UNC13C: variants seen among roughly 807,000 people sequenced by gnomAD.
UNC13C encodes the protein protein unc-13 homolog C.
In UNC13C, 174 loss-of-function variants were observed where a neutral mutation model predicts 245.4. The ratio of observed to expected loss-of-function variants is 0.71; its 90% confidence interval spans 0.63 to 0.80. The LOEUF is 0.80. Among genes scored for constraint, UNC13C ranks in the 30% least tolerant of loss-of-function variants. UNC13C has a pLI of 0.00. For missense variants in UNC13C, 2,829 were observed against 2,602.9 expected, an observed-to-expected ratio of 1.09 and a Z score of -1.89; for synonymous variants, 992 against 895.1, an observed-to-expected ratio of 1.11 and a Z score of -1.93.
chr15:54,171,695 A>G (rs1421767938), intron 4 of UNC13C, among the ~76,000 whole-genome samples: 1 of 152,108 alleles, frequency 6.6e-6, no homozygotes, highest in Non-Finnish European at 1.5e-5. Flanking sequence ...AACAGTATGG[A>G]GGTTCCTCAA....
chr15:54,572,180 C>G (rs1897785814), intron 30 of UNC13C, among the ~76,000 whole-genome samples: 1 of 151,964 alleles, frequency 6.6e-6, no homozygotes, highest in Non-Finnish European at 1.5e-5. Flanking sequence ...ACTCTGTGCC[C>G]TGACCTCTAT....
At chr15:54,239,236 T>A (rs2035787960) in intron 7 of UNC13C, among the ~76,000 whole-genome samples, 1 of 152,220 alleles carries the variant, frequency 6.6e-6, no homozygotes, top group Non-Finnish European at 1.5e-5. Context: ...CCTTCCTTCT[T>A]CTTTCTGTCA....
At chr15:54,624,647 G>C (rs1190058288) in intron 32 of UNC13C, among the ~76,000 whole-genome samples, 1 of 152,092 alleles carries the variant, frequency 6.6e-6, no homozygotes. Context: ...GACCAAATAT[G>C]TAAAGATCAG....
the UNC13C span, among the ~76,000 whole-genome samples, chr15:53,921,378 T>C: frequency 6.6e-6 from 1 of 152,214 alleles, no homozygotes; most frequent in Non-Finnish European, 1.5e-5. Context: ...ATATAGCTCT[T>C]TTTTAAAAGG....
intron 19 of UNC13C, among the ~76,000 whole-genome samples, chr15:54,466,671 A>C (rs2414307): frequency 0.44 from 66,979 of 151,436 alleles, 15,130 homozygotes; most frequent in East Asian, 0.71. Context: ...GACCCCACCC[A>C]CACACACATA....
intron 29 of UNC13C, among the ~76,000 whole-genome samples, chr15:54,560,956 C>G (rs967477470): frequency 1.3e-5 from 2 of 151,992 alleles, no homozygotes; most frequent in African/African-American, 4.8e-5. Flanking sequence ...ATTTTGGAGG[C>G]TTCTCTTTCT....
chr15:53,912,429 T>G, the UNC13C span: 1 of 152,182 alleles, frequency 6.6e-6, no homozygotes, highest in Admixed American at 6.5e-5. Flanking sequence ...TAGACACTGG[T>G]GCAGACTGCA....
the UNC13C span, among the ~76,000 whole-genome samples, chr15:53,934,850 A>G: frequency 3.7e-3 from 564 of 152,234 alleles, 7 homozygotes; most frequent in African/African-American, 0.013. Context: ...GCCTCTTTTA[A>G]TAGGTTACTA....
chr15:54,050,535 A>C (rs1463058008), intron 2 of UNC13C: 2 of 476,292 alleles, frequency 4.2e-6, no homozygotes, highest in Non-Finnish European at 8.4e-6. Context: ...TTGCTTCATC[A>C]TTCTATCTTC....
intron 13 of UNC13C, among the ~76,000 whole-genome samples, chr15:54,317,175 A>G (rs551175518): frequency 5.3e-5 from 8 of 152,008 alleles, no homozygotes; most frequent in Non-Finnish European, 1.0e-4. Context: ...CATTGAAGTT[A>G]TTTTTAAAAG....
intron 13 of UNC13C, among the ~76,000 whole-genome samples, chr15:54,311,877 C>G (rs941047172): frequency 6.6e-6 from 1 of 151,414 alleles, no homozygotes; most frequent in African/African-American, 2.4e-5. Context: ...TAGTTTTCTT[C>G]AAAAGGAAAA....
chr15:54,518,867 C>G (rs1004854954), intron 24 of UNC13C, among the ~76,000 whole-genome samples: 1 of 152,168 alleles, frequency 6.6e-6, no homozygotes, highest in Non-Finnish European at 1.5e-5. Context: ...CATAAAGTGT[C>G]TCGTTGATTC....
Position 54,276,915 on chromosome 15 carries a change from A to C in UNC13C, c.3818+11419A>C, listed in dbSNP as rs183656439. Among the ~76,000 whole-genome samples, 68 of 152,274 alleles carry C rather than the reference A, an allele frequency of 4.5e-4. No individual in the cohort carries two copies. In the East Asian group the frequency reaches 9.4e-3, roughly 21 times the overall value. On this transcript the variant is annotated intron_variant, in intron 10 of 32. Coordinates refer to ENST00000260323, the MANE Select transcript of UNC13C (RefSeq NM_001080534.3). ...CCTAAAATAATTTTGGGTATAAAGTAAGCATAAAAATATGTTTAATAATTA... is the reference window on the plus strand; with the variant it reads ...CCTAAAATAATTTTGGGTATAAAGTCAGCATAAAAATATGTTTAATAATTA...
chr15:54,311,473 T>A (rs1349188514), intron 13 of UNC13C, among the ~76,000 whole-genome samples: 1 of 151,786 alleles, frequency 6.6e-6, no homozygotes, highest in Non-Finnish European at 1.5e-5. Flanking sequence ...AAGTTGTTAT[T>A]GAAACTGGTA....
rs1895515920 is a variant in UNC13C, at chr15:54,014,029, C to T, written c.1126C>T (p.Pro376Ser). 1.9e-6 allele frequency: 3 copies of T among 1,613,642 alleles called. No individual in the cohort carries two copies. Among genetic ancestry groups the T allele is most frequent in the Admixed American group, 3.3e-5 (2 of 59,926 alleles). The change falls in exon 2 of 33, where the codon CCC becomes TCC. Residue 376 changes from proline (P) to serine (S), a missense_variant. Transcript: ENST00000260323. ...AGACTGCCCAAATGCAAAGCCTCGA[C>T]CCATACTTGTGTACTTTGAAACCCC... is the stretch of plus-strand genomic sequence containing the variant. ...QRDCPNAKPR[P>S]ILVYFETPQQ...
chr15:53,916,266 G>A, the UNC13C span, among the ~76,000 whole-genome samples: 1 of 152,172 alleles, frequency 6.6e-6, no homozygotes, highest in African/African-American at 2.4e-5. Context: ...CAAGTCTTAG[G>A]GTCTAGTGGC....
chr15:54,462,999 G>T (rs984428414), intron 19 of UNC13C, among the ~76,000 whole-genome samples: 1 of 151,968 alleles, frequency 6.6e-6, no homozygotes, highest in Non-Finnish European at 1.5e-5. Context: ...TCTAGCTTGG[G>T]GGTTTGTGGA....
At chr15:53,946,320 A>G in the UNC13C span, among the ~76,000 whole-genome samples, 2 of 152,080 alleles carry the variant, frequency 1.3e-5, no homozygotes, top group African/African-American at 4.8e-5. Context: ...CTGGTTTTCA[A>G]GGGGAATGCT....
intron 22 of UNC13C, among the ~76,000 whole-genome samples, chr15:54,503,324 T>C (rs929428941): frequency 6.6e-6 from 1 of 152,174 alleles, no homozygotes; most frequent in Non-Finnish European, 1.5e-5. Context: ...TCTTTTTAAC[T>C]CTTGCAGTAA....
Sources: gnomAD v4.1 joint callset for allele counts (sites outside exome capture counted in the v4.1 genomes callset) on GRCh38, gnomAD v4.1.1 for gene constraint, MANE v1.5 for transcripts, NCBI Gene and HGNC (gene_info 2026-07-23, HGNC 2026-07-21) for gene names.